DLG2: variants seen among roughly 807,000 people sequenced by gnomAD.
DLG2 encodes discs large MAGUK scaffold protein 2.
In DLG2, 45 loss-of-function variants were observed where a neutral mutation model predicts 132.5. The ratio of observed to expected loss-of-function variants is 0.34; its 90% CI spans 0.27 to 0.44. The LOEUF is 0.44. Among genes scored for constraint, DLG2 ranks in the 20% least tolerant of loss-of-function variants. The probability of loss-of-function intolerance (pLI) is 1.00; values close to 1 mark genes in which losing one functional copy is unlikely to be tolerated. For missense variants in DLG2, 1,045 were observed against 1,196.9 expected, an observed-to-expected ratio of 0.87 and a Z score of 1.87; for synonymous variants, 424 against 419.6, an observed-to-expected ratio of 1.01 and a Z score of -0.13.
At chr11:85,508,603 G>A (rs549271358) in intron 3 of DLG2, among the ~76,000 whole-genome samples, 4 of 151,876 alleles carry the variant, frequency 2.6e-5, no homozygotes, top group African/African-American at 9.7e-5. Context: ...CATCTATTTT[G>A]TTAACTGATA....
intron 3 of DLG2, among the ~76,000 whole-genome samples, chr11:85,404,452 T>C (rs887966944): frequency 9.2e-5 from 14 of 151,950 alleles, no homozygotes; most frequent in African/African-American, 3.4e-4. Flanking sequence ...AGAACAATCA[T>C]TGTAGGTACC....
intron 18 of DLG2, among the ~76,000 whole-genome samples, chr11:83,671,789 C>T (rs1348512369): frequency 1.3e-5 from 2 of 152,126 alleles, no homozygotes; most frequent in East Asian, 3.9e-4. Flanking sequence ...TTAATATAAG[C>T]ACAATACAAT....
intron 6 of DLG2, among the ~76,000 whole-genome samples, chr11:84,972,682 C>G (rs1478688666): frequency 1.3e-5 from 2 of 152,194 alleles, no homozygotes; most frequent in African/African-American, 4.8e-5. Context: ...ATGGGCCGCT[C>G]TGTCAAGTGT....
At chr11:85,020,523 G>A (rs751838615) in intron 6 of DLG2, among the ~76,000 whole-genome samples, 55 of 152,112 alleles carry the variant, frequency 3.6e-4, no homozygotes, top group Admixed American at 1.7e-3. Flanking sequence ...TTTTAGTCAT[G>A]AAGTCCTTGC....
chr11:83,859,412 T>G (rs1337825547), intron 16 of DLG2, among the ~76,000 whole-genome samples: 1 of 152,222 alleles, frequency 6.6e-6, no homozygotes, highest in East Asian at 1.9e-4. Flanking sequence ...TGTTGGGAAC[T>G]GGAGCAAAGG....
intron 18 of DLG2, among the ~76,000 whole-genome samples, chr11:83,760,926 C>T (rs1431607743): frequency 6.6e-6 from 1 of 152,148 alleles, no homozygotes; most frequent in African/African-American, 2.4e-5. Flanking sequence ...ATTTAACACC[C>T]TTTGAATGTA....
At chr11:85,149,493 C>T (rs1311337304) in intron 5 of DLG2, among the ~76,000 whole-genome samples, 1 of 152,080 alleles carries the variant, frequency 6.6e-6, no homozygotes, top group African/African-American at 2.4e-5. Context: ...CTTCCCATCC[C>T]ATCTTTGTTC....
intron 18 of DLG2, among the ~76,000 whole-genome samples, chr11:83,756,754 T>C (rs2093664308): frequency 6.6e-6 from 1 of 151,466 alleles, no homozygotes; most frequent in African/African-American, 2.5e-5. Context: ...ATTTCCATCT[T>C]TATAATCTGT....
rs181462439 is a variant in DLG2 at position 85,114,424 on chromosome 11, G to T, written c.283-2689C>A. Among the ~76,000 whole-genome samples, 22 of 152,076 alleles carry T rather than the reference G, an allele frequency of 1.4e-4. No individual in the cohort carries two copies. The East Asian group carries it at 4.3e-3, about 30-fold the overall frequency. Reference sequence around the variant, plus strand: ...AAGCAAAGATTTAAGATAGAAGTTGGTGACAAAAGGTAAAGCTTTCCCACC... The same window carrying T: ...AAGCAAAGATTTAAGATAGAAGTTGTTGACAAAAGGTAAAGCTTTCCCACC... On this transcript the variant is annotated intron_variant, in intron 5 of 27. Coordinates refer to ENST00000376104, the MANE Select transcript of DLG2 (RefSeq NM_001142699.3).
intron 7 of DLG2, among the ~76,000 whole-genome samples, chr11:84,465,558 C>T (rs978835092): frequency 6.6e-6 from 1 of 151,180 alleles, no homozygotes; most frequent in African/African-American, 2.4e-5. Context: ...GCCATTTATA[C>T]TCTAATAATA....
chr11:84,020,870 G>A (rs1048965733), intron 11 of DLG2, among the ~76,000 whole-genome samples: 1 of 152,258 alleles, frequency 6.6e-6, no homozygotes, highest in Non-Finnish European at 1.5e-5. Context: ...GCCTTAAAGT[G>A]CTAGAGCCAA....
intron 7 of DLG2, among the ~76,000 whole-genome samples, chr11:84,527,865 G>C (rs1255726882): frequency 6.7e-6 from 1 of 148,922 alleles, no homozygotes; most frequent in African/African-American, 2.5e-5. Flanking sequence ...AGGTAAGGAA[G>C]AAGAGGACAG....
intron 11 of DLG2, among the ~76,000 whole-genome samples, chr11:83,989,962 A>G (rs939411578): frequency 6.6e-6 from 1 of 152,194 alleles, no homozygotes; most frequent in Admixed American, 6.5e-5. Flanking sequence ...GCTCTGGACC[A>G]TCACATGATG....
At chr11:84,480,566 G>A (rs146922447) in intron 7 of DLG2, among the ~76,000 whole-genome samples, 202 of 151,988 alleles carry the variant, frequency 1.3e-3, no homozygotes, top group African/African-American at 4.7e-3. Context: ...AGAAAAAAAT[G>A]GTATACACTG....
At chr11:84,013,337 T>C (rs2094986153) in intron 11 of DLG2, among the ~76,000 whole-genome samples, 2 of 152,234 alleles carry the variant, frequency 1.3e-5, no homozygotes, top group South Asian at 4.1e-4. Context: ...GTACCTACTA[T>C]GGGCTAGGGA....
At chr11:84,142,954 A>G (rs906326347) in intron 9 of DLG2, among the ~76,000 whole-genome samples, 1 of 151,148 alleles carries the variant, frequency 6.6e-6, no homozygotes, top group Non-Finnish European at 1.5e-5. Context: ...TATATGTCCT[A>G]CTGATTCTTT....
intron 16 of DLG2, among the ~76,000 whole-genome samples, chr11:83,854,677 C>T (rs1335270901): frequency 6.6e-6 from 1 of 152,058 alleles, no homozygotes; most frequent in East Asian, 1.9e-4. Context: ...TCTAGATGAC[C>T]TTGGGTTTTG....
At chr11:84,947,066 G>A (rs971806575) in intron 6 of DLG2, among the ~76,000 whole-genome samples, 13 of 152,166 alleles carry the variant, frequency 8.5e-5, no homozygotes, top group Admixed American at 3.3e-4. Flanking sequence ...GATTCTATGT[G>A]CCATGCGGCC....
intron 6 of DLG2, among the ~76,000 whole-genome samples, chr11:84,956,122 C>G (rs1291864539): frequency 2.0e-5 from 3 of 152,156 alleles, no homozygotes; most frequent in African/African-American, 7.2e-5. Context: ...CATTTATCAG[C>G]ATAGTTCTTC....
Sources: allele counts gnomAD v4.1 joint callset (sites outside exome capture counted in the v4.1 genomes callset), GRCh38; gene constraint gnomAD v4.1.1; transcripts MANE v1.5; gene names NCBI Gene and HGNC (gene_info 2026-07-23, HGNC 2026-07-21).